ITSN2: variants seen among roughly 807,000 people sequenced by gnomAD.
The protein encoded by ITSN2 is intersectin-2.
In ITSN2, 156 loss-of-function variants were observed where a neutral mutation model predicts 243.7. The ratio of observed to expected loss-of-function variants is 0.64; its 90% CI spans 0.56 to 0.73. The LOEUF (loss-of-function observed/expected upper bound fraction) is 0.73. Ranked by LOEUF, ITSN2 falls within the 30% of genes least tolerant of loss-of-function variation. The pLI is 0.00. For missense variants in ITSN2, 1,801 were observed against 1,996.1 expected (o/e 0.90, Z 1.86); for synonymous variants, 703 against 699.9 (o/e 1.00, Z -0.07).
At position 24,257,960 on chromosome 2, in the gene ITSN2, A is replaced by C. The variant is rs566079251; in HGVS notation, c.2816T>G (p.Val939Gly). The C allele has an allele frequency of 6.8e-6, 11 of 1,613,884 alleles. No individual in the cohort carries two copies. The Admixed American group carries it at 1.2e-4, about 17-fold the overall frequency. The change falls in exon 23 of 40, where the codon GTG becomes GGG. Residue 939 changes from valine (V) to glycine (G), a missense_variant. Transcript: ENST00000355123. ...EQQENWWFGE[V>G]HGGRGWFPKS... ...GGGAAACCATCCTCTTCCTCCATGC[A>C]CCTCCCCAAACCACCAATTTTCTTG... is the stretch of plus-strand genomic sequence containing the variant.
intron 1 of ITSN2, among the ~76,000 whole-genome samples, chr2:24,342,829 G>A (rs937018226): frequency 6.6e-6 from 1 of 152,046 alleles, no homozygotes; most frequent in Non-Finnish European, 1.5e-5. Context: ...AGTGGCTCAT[G>A]CCTGTAATCC....
chr2:24,298,753 T>C lies in ITSN2; in HGVS notation c.1406A>G (p.Glu469Gly). The C allele has an allele frequency of 6.2e-7, 1 of 1,613,070 alleles. No individual in the cohort carries two copies. Among genetic ancestry groups the C allele is most frequent in the Non-Finnish European group, 8.5e-7 (1 of 1,179,454 alleles). Residue 469 changes from glutamate to glycine, a missense_variant, in exon 13 of 40, where the codon GAG becomes GGG. By Grantham distance (98) the Glu-to-Gly change is moderately conservative (BLOSUM62 -2). Transcript: ENST00000355123. ...TTCTCTATTCTTTTGATTGAGAAGC[T>C]CCTGTCGCCGAATTCTCTCCCATTC... ...RLEWERIRRQ[E>G]LLNQKNREQE... is the part of the protein sequence containing the mutation.
At chr2:24,265,859 A>G (rs1293990749) in intron 20 of ITSN2, among the ~76,000 whole-genome samples, 1 of 152,210 alleles carries the variant, frequency 6.6e-6, no homozygotes, top group African/African-American at 2.4e-5. Context: ...AGAATATTAC[A>G]TGGTTTAGAG....
chr2:24,350,598 G>A (rs1419874139), intron 1 of ITSN2, among the ~76,000 whole-genome samples: 2 of 152,010 alleles, frequency 1.3e-5, no homozygotes, highest in African/African-American at 4.8e-5. Context: ...AACTACAGAT[G>A]GATGAATGAA....
intron 37 of ITSN2, chr2:24,206,363 G>A (rs1461956395): frequency 2.9e-6 from 1 of 350,856 alleles, no homozygotes; most frequent in African/African-American, 2.3e-5. Flanking sequence ...TGCATGGGGG[G>A]GCCCGGCGGG....
At position 24,209,097 on chromosome 2, in the gene ITSN2, G is replaced by A; in HGVS notation, c.4595+3C>T. ...AGGCAGGCCACACATGGTCAGGACT[G>A]ACCTCTCATTAATGTTGTCTGTTCG... On this transcript the variant is annotated splice_donor_region_variant and intron_variant, in intron 36 of 39. Transcript: ENST00000355123. 1 of 1,613,958 alleles carries A rather than the reference G, an allele frequency of 6.2e-7. No homozygotes were observed. The highest frequency in any genetic ancestry group is 1.3e-5 in the African/African-American group (1 of 75,048).
chr2:24,269,580 A>G (rs1036250049), intron 20 of ITSN2, among the ~76,000 whole-genome samples: 2 of 152,172 alleles, frequency 1.3e-5, no homozygotes, highest in African/African-American at 4.8e-5. Context: ...TCTGTGCTAA[A>G]GCTGGTAGCA....
intron 1 of ITSN2, among the ~76,000 whole-genome samples, chr2:24,337,171 GA>G (rs1686471410): frequency 6.7e-6 from 1 of 148,432 alleles, no homozygotes; most frequent in Non-Finnish European, 1.5e-5. Context: ...ATTACTTCAT[GA>G]TTCAATATTT....
chr2:24,209,797 C>T (rs530085916), intron 35 of ITSN2, 21 bp downstream of exon 35: 26 of 1,597,988 alleles, frequency 1.6e-5, no homozygotes, highest in Middle Eastern at 1.7e-4. Context: ...CTGATGCTAC[C>T]CCCAGACGCG....
At chr2:24,312,472 C>T in intron 4 of ITSN2, 97 bp from the exon 5 acceptor site, 1 of 778,796 alleles carries the variant, frequency 1.3e-6, no homozygotes, top group Non-Finnish European at 2.0e-6. Flanking sequence ...GATGATATGG[C>T]ATTCACGTGT....
At chr2:24,318,931 T>G (rs766445344) in intron 2 of ITSN2, among the ~76,000 whole-genome samples, 1 of 152,192 alleles carries the variant, frequency 6.6e-6, no homozygotes, top group Non-Finnish European at 1.5e-5. Context: ...GTGGCAGCAT[T>G]AGATTCTCAT....
At chr2:24,255,534 A>G (rs991512960) in intron 23 of ITSN2, among the ~76,000 whole-genome samples, 1 of 152,182 alleles carries the variant, frequency 6.6e-6, no homozygotes, top group African/African-American at 2.4e-5. Flanking sequence ...AGGTTGAAGC[A>G]GGAGAATCGC....
In ITSN2 at chr2:24,252,434, T is replaced by C. The variant is rs760649496; in HGVS notation, c.3031A>G (p.Thr1011Ala). 4 of 1,612,874 alleles carry C rather than the reference T, an allele frequency of 2.5e-6. No homozygotes were observed. The highest frequency in any genetic ancestry group is 3.4e-6 in the Non-Finnish European group (4 of 1,178,956). The change falls in exon 25 of 40, where the codon ACC becomes GCC. Residue 1011 changes from threonine to alanine, a missense_variant. Transcript: ENST00000355123. ...TFTEGEEILV[T>A]QKDGEWWTGS... Reference sequence around the variant, plus strand: ...GTCCACCACTCTCCATCTTTCTGGGTCACCAATATTTCTTCACCTTCTGTG... The same window carrying C: ...GTCCACCACTCTCCATCTTTCTGGGCCACCAATATTTCTTCACCTTCTGTG...
chr2:24,285,649 T>C (rs1679405348), intron 16 of ITSN2, among the ~76,000 whole-genome samples: 2 of 152,338 alleles, frequency 1.3e-5, no homozygotes, highest in South Asian at 4.1e-4. Context: ...CTGTGGTGAA[T>C]GATATGCAGA....
intron 1 of ITSN2, among the ~76,000 whole-genome samples, chr2:24,352,596 A>C (rs1193254229): frequency 6.6e-6 from 1 of 152,238 alleles, no homozygotes. Context: ...TAGCAACCTC[A>C]GTTTAGATTT....
chr2:24,253,114 C>A (rs1674567285), intron 24 of ITSN2, among the ~76,000 whole-genome samples: 1 of 152,090 alleles, frequency 6.6e-6, no homozygotes, highest in Admixed American at 6.6e-5. Context: ...TTTTATATCG[C>A]CTTTGATTTT....
intron 29 of ITSN2, among the ~76,000 whole-genome samples, chr2:24,222,496 A>G (rs1161817509): frequency 6.6e-6 from 1 of 152,040 alleles, no homozygotes; most frequent in Non-Finnish European, 1.5e-5. Flanking sequence ...CTGCCTGTCC[A>G]ACCTCGGACA....
chr2:24,205,984 C>A (rs1296560878), intron 37 of ITSN2, among the ~76,000 whole-genome samples: 1 of 152,154 alleles, frequency 6.6e-6, no homozygotes, highest in African/African-American at 2.4e-5. Context: ...ATACCAAAGT[C>A]CAGGCTCAGT....
intron 15 of ITSN2, among the ~76,000 whole-genome samples, chr2:24,286,646 T>C (rs1226244849): frequency 1.3e-5 from 2 of 152,194 alleles, no homozygotes; most frequent in African/African-American, 2.4e-5. Flanking sequence ...CTCAGGCTTT[T>C]CATCTATACA....
Sources: gnomAD v4.1 joint callset for allele counts (sites outside exome capture counted in the v4.1 genomes callset) on GRCh38, gnomAD v4.1.1 for gene constraint, MANE v1.5 for transcripts, NCBI Gene and HGNC (gene_info 2026-07-23, HGNC 2026-07-21) for gene names.